MYH7B: variants seen among roughly 807,000 people sequenced by gnomAD.
The protein encoded by MYH7B is myosin-7B.
A neutral mutation model predicts 234.5 loss-of-function variants in MYH7B; 205 were observed. The ratio of observed to expected loss-of-function variants is 0.87; its 90% confidence interval spans 0.78 to 0.98. MYH7B has a LOEUF of 0.98. Ranked by LOEUF, MYH7B falls within the 50% of genes least tolerant of loss-of-function variation. The probability of loss-of-function intolerance (pLI) is 0.00; values close to 1 mark genes in which losing one functional copy is unlikely to be tolerated. For synonymous variants in MYH7B, 1,193 were observed against 1,105.0 expected (o/e 1.08, Z -1.58); for missense variants, 2,652 against 2,633.4 (o/e 1.01, Z -0.15).
chr20:35,001,486 A>G (rs764504308), exon 43 of MYH7B: 1 of 1,610,648 alleles, frequency 6.2e-7, no homozygotes, highest in South Asian at 1.1e-5. Flanking sequence ...GACAAGCTGC[A>G]GAGCAAGGTC....
chr20:34,962,959 G>T (rs575357702), intron 2 of MYH7B, among the ~76,000 whole-genome samples: 1 of 152,204 alleles, frequency 6.6e-6, no homozygotes, highest in Admixed American at 6.5e-5. Context: ...TTAGCTGGGC[G>T]TGGTGGCGCA....
intron 7 of MYH7B, 177 bp from the exon 8 acceptor site, chr20:34,980,401 T>G (rs908769931): frequency 6.6e-6 from 4 of 606,058 alleles, no homozygotes; most frequent in African/African-American, 1.8e-5. Context: ...ATACAAAAAT[T>G]AGCCGGTCGT....
At chr20:34,998,483 A>T (rs1042278703) in intron 33 of MYH7B, 28 bp from the exon 34 acceptor site, 8 of 1,612,720 alleles carry the variant, frequency 5.0e-6, no homozygotes, top group Non-Finnish European at 5.9e-6. Context: ...CACCAGCCTG[A>T]CCTGTCCGCT....
In MYH7B at chr20:34,996,601, C is replaced by T. The variant is rs1254150554; in HGVS notation, c.3121-12C>T. 21 of 1,607,892 alleles carry T rather than the reference C, an allele frequency of 1.3e-5. No homozygotes were observed. Among genetic ancestry groups the T allele is most frequent in the Non-Finnish European group, 1.8e-5 (21 of 1,177,466 alleles). On this transcript the variant is annotated splice_polypyrimidine_tract_variant and intron_variant, in intron 29 of 44. Coordinates refer to ENST00000262873, the Ensembl canonical transcript of MYH7B. Reference sequence around the variant, plus strand: ...TGGGCCATGGCTGACCCCTGCTGTGCCTGCTCTGCAGCTGGAATGCTCCCT... The same window carrying T: ...TGGGCCATGGCTGACCCCTGCTGTGTCTGCTCTGCAGCTGGAATGCTCCCT...
In MYH7B at chr20:34,999,696, G is replaced by T; in HGVS notation, c.4665+1G>T. The T allele has an allele frequency of 6.2e-7, 1 of 1,613,190 alleles. No individual in the cohort carries two copies. Among genetic ancestry groups the T allele is most frequent in the Middle Eastern group, 1.7e-4 (1 of 6,034 alleles). On this transcript the variant is annotated splice_donor_variant, in intron 37 of 44. Coordinates refer to ENST00000262873, the Ensembl canonical transcript of MYH7B. LOFTEE classifies it high-confidence loss of function. ...CCAGGCTGCACTGGAGGAGGCAGAGGTCAGGGGCTGGCTGCAGGGGTGGGT... is the reference window on the plus strand; with the variant it reads ...CCAGGCTGCACTGGAGGAGGCAGAGTTCAGGGGCTGGCTGCAGGGGTGGGT...
At chr20:34,999,982 T>C in intron 38 of MYH7B, 76 bp downstream of exon 38, 1 of 1,350,044 alleles carries the variant, frequency 7.4e-7, no homozygotes, top group Non-Finnish European at 1.0e-6. Flanking sequence ...TGCTCTCTAG[T>C]CTGTCCCTCC....
exon 44 of MYH7B, chr20:35,001,978 T>G (rs1230963431): frequency 1.2e-6 from 2 of 1,613,682 alleles, no homozygotes; most frequent in Non-Finnish European, 1.7e-6. Context: ...CCTGGCCAAG[T>G]ATCGCAAGGC....
At chr20:34,996,592 C>A (rs1483648013) in intron 29 of MYH7B, 21 bp from the exon 30 acceptor site, 2 of 1,606,454 alleles carry the variant, frequency 1.2e-6, no homozygotes, top group South Asian at 1.1e-5. Flanking sequence ...ATGGCTGACC[C>A]CTGCTGTGCC....
chr20:34,993,261 G>T (rs1311988606), intron 25 of MYH7B, 36 bp downstream of exon 25: 1 of 1,613,900 alleles, frequency 6.2e-7, no homozygotes, highest in Non-Finnish European at 8.5e-7. Context: ...GGCCATGGCT[G>T]TGGCGGTCAC....
intron 28 of MYH7B, 135 bp from the exon 29 acceptor site, chr20:34,996,211 C>A: frequency 2.0e-6 from 2 of 1,009,888 alleles, no homozygotes; most frequent in Non-Finnish European, 2.9e-6. Context: ...CAGGCAGAAG[C>A]GGTGGAGGCT....
chr20:34,994,553 A>C (rs1438075697), intron 27 of MYH7B, 152 bp downstream of exon 27: 1 of 1,021,784 alleles, frequency 9.8e-7, no homozygotes, highest in Non-Finnish European at 1.4e-6. Context: ...TCCCAGCCTC[A>C]CCACCCCAAG....
At chr20:34,994,838 A>C (rs1361474995) in intron 27 of MYH7B, among the ~76,000 whole-genome samples, 1 of 152,260 alleles carries the variant, frequency 6.6e-6, no homozygotes, top group East Asian at 1.9e-4. Flanking sequence ...ATTGTGTGCC[A>C]GGCTCAGGCT....
At chr20:34,984,115 TAA>T (rs761055947) in intron 10 of MYH7B, among the ~76,000 whole-genome samples, 3 of 152,168 alleles carry the variant, frequency 2.0e-5, no homozygotes, top group Non-Finnish European at 4.4e-5. Context: ...TGCCCAGAGC[TAA>T]GTCTCCTCAT....
At chr20:34,990,169 T>C (rs756595335) in intron 21 of MYH7B, 23 bp downstream of exon 21, 3 of 1,613,972 alleles carry the variant, frequency 1.9e-6, no homozygotes, top group Non-Finnish European at 2.5e-6. Context: ...GGACAAGATC[T>C]CCACTCTGAC....
At chr20:34,994,151 C>G in exon 27 of MYH7B, 36 of 1,612,634 alleles carry the variant, frequency 2.2e-5, no homozygotes, top group Non-Finnish European at 3.1e-5. Flanking sequence ...CCTAGGGATG[C>G]GCTGTTCACC....
chr20:35,001,006 G>A (rs1225118783), exon 41 of MYH7B: 1 of 1,613,774 alleles, frequency 6.2e-7, no homozygotes. Context: ...GATGGCCGAG[G>A]AGCTGAAGAA....
chr20:34,987,400 C>T, intron 16 of MYH7B, 113 bp downstream of exon 16: 2 of 1,476,100 alleles, frequency 1.4e-6, no homozygotes, highest in Non-Finnish European at 1.8e-6. Flanking sequence ...CTGGCCCTGC[C>T]TCCTCAGCTC....
At chr20:34,974,359 A>G (rs1419095450) in intron 2 of MYH7B, among the ~76,000 whole-genome samples, 1 of 94,044 alleles carries the variant, frequency 1.1e-5, no homozygotes, top group Non-Finnish European at 2.1e-5. Flanking sequence ...CTCTTCAGGT[A>G]TTGAAAGTCA....
intron 2 of MYH7B, among the ~76,000 whole-genome samples, chr20:34,971,010 C>G (rs1010643361): frequency 6.6e-6 from 1 of 152,170 alleles, no homozygotes. Flanking sequence ...AGCACCTCAG[C>G]CCAGCTCAGG....
Sources: allele counts gnomAD v4.1 joint callset (sites outside exome capture counted in the v4.1 genomes callset), GRCh38; gene constraint gnomAD v4.1.1; transcripts MANE v1.5; gene names NCBI Gene and HGNC (gene_info 2026-07-23, HGNC 2026-07-21).